LIN54: variants seen among roughly 807,000 people sequenced by gnomAD.
LIN54 encodes lin-54 DREAM MuvB core complex component, also known as protein lin-54 homolog.
Under a neutral mutation model 78.7 loss-of-function variants are expected in LIN54, and 9 were observed. The ratio of observed to expected loss-of-function variants is 0.11; its 90% CI spans 0.07 to 0.20. LIN54 has a LOEUF of 0.20. LIN54 is among the 10% of genes least tolerant of loss of function. The pLI is 1.00. For missense variants in LIN54, 573 were observed against 889.9 expected (o/e 0.64, Z 4.53); for synonymous variants, 269 against 318.4 (o/e 0.84, Z 1.65).
rs761437076 is a variant in LIN54, at chr4:82,939,845, C to T, written c.1242+44G>A. 22 of 1,586,924 alleles carry T rather than the reference C, an allele frequency of 1.4e-5. No individual in the cohort carries two copies. In the African/African-American group the frequency reaches 1.6e-4, roughly 12 times the overall value. ...TTAACTTTCTATTTAAAAAGTAAAT[C>T]GTCTATTTGGGAAAGACTGAGAAAG... On this transcript the variant is annotated intron_variant, in intron 6 of 12. Coordinates refer to ENST00000340417, the MANE Select transcript of LIN54 (RefSeq NM_194282.4).
At chr4:82,936,592 G>A (rs1578491089) in intron 9 of LIN54, among the ~76,000 whole-genome samples, 1 of 152,278 alleles carries the variant, frequency 6.6e-6, no homozygotes, top group Admixed American at 6.5e-5. Context: ...TACTAGAAAT[G>A]TGGCCTAAAA....
chr4:82,939,582 C>T lies in LIN54; in HGVS notation c.1397G>A (p.Gly466Glu). ...TGGAAGCACTGCATAACCCACATTC[C>T]CTGTTCCCGGAGCTGGTGCCAGGAC... is the stretch of plus-strand genomic sequence containing the variant. ...GTVLAPAPGT[G>E]NVGYAVLPAQ... The change falls in exon 7 of 13, where the codon GGG becomes GAG. Residue 466 changes from glycine (G) to glutamate (E), a missense_variant. Coordinates refer to ENST00000340417, the MANE Select transcript of LIN54 (RefSeq NM_194282.4). 1 of 1,614,066 alleles carries T rather than the reference C, an allele frequency of 6.2e-7. No individual in the cohort carries two copies. The highest frequency in any genetic ancestry group is 8.5e-7 in the Non-Finnish European group (1 of 1,179,958).
chr4:82,945,148 C>A (rs2126043250), intron 5 of LIN54, among the ~76,000 whole-genome samples: 1 of 152,214 alleles, frequency 6.6e-6, no homozygotes, highest in South Asian at 2.1e-4. Flanking sequence ...AGCCACAGCG[C>A]CTGATCTACC....
chr4:82,976,855 A>G (rs1047783546), intron 3 of LIN54, among the ~76,000 whole-genome samples: 2 of 152,230 alleles, frequency 1.3e-5, no homozygotes, highest in African/African-American at 4.8e-5. Context: ...AAGGTTATAA[A>G]GAACTAGTTA....
At position 82,977,506 on chromosome 4, in the gene LIN54, A is replaced by G. The variant is rs1276003887; in HGVS notation, c.808+1377T>C. Among the ~76,000 whole-genome samples the G allele has an allele frequency of 2.6e-5, 4 of 152,184 alleles. No homozygotes were observed. In the South Asian group the frequency reaches 8.3e-4, roughly 31 times the overall value. On this transcript the variant is annotated intron_variant, in intron 3 of 12. Coordinates refer to ENST00000340417, the MANE Select transcript of LIN54 (RefSeq NM_194282.4). ...CACTGCTTTCACATTAAATTTTTCCATCTCTTCTCATTAGCTAAAATGAGA... is the reference window on the plus strand; with the variant it reads ...CACTGCTTTCACATTAAATTTTTCCGTCTCTTCTCATTAGCTAAAATGAGA...
chr4:82,946,596 G>A (rs968489574), intron 4 of LIN54, 122 bp from the exon 5 acceptor site: 1 of 720,786 alleles, frequency 1.4e-6, no homozygotes, highest in African/African-American at 1.8e-5. Flanking sequence ...GCTGCTGAAA[G>A]GAACAACCTG....
chr4:82,964,893 G>A (rs1441985563), intron 4 of LIN54, among the ~76,000 whole-genome samples: 1 of 152,106 alleles, frequency 6.6e-6, no homozygotes, highest in African/African-American at 2.4e-5. Flanking sequence ...AGCTACTGGG[G>A]AAGCTGAGGC....
At chr4:82,950,519 C>T (rs918676445) in intron 4 of LIN54, among the ~76,000 whole-genome samples, 19 of 152,190 alleles carry the variant, frequency 1.2e-4, no homozygotes, top group Non-Finnish European at 2.5e-4. Context: ...AACATGTGAA[C>T]ATCTCTCTGA....
intron 10 of LIN54, 44 bp from the exon 11 acceptor site, chr4:82,936,162 G>A: frequency 6.2e-7 from 1 of 1,609,406 alleles, no homozygotes; most frequent in Non-Finnish European, 8.5e-7. Context: ...AATCACAGTA[G>A]ATGAAATTTA....
intron 4 of LIN54, among the ~76,000 whole-genome samples, chr4:82,962,737 G>A (rs917141809): frequency 6.6e-6 from 1 of 150,654 alleles, no homozygotes; most frequent in Non-Finnish European, 1.5e-5. Flanking sequence ...CCAAACAACT[G>A]AGAAAATAAT....
intron 4 of LIN54, among the ~76,000 whole-genome samples, chr4:82,968,043 GT>G (rs371267602): frequency 3.4e-4 from 49 of 144,588 alleles, no homozygotes; most frequent in African/African-American, 8.6e-4. Context: ...TTTGTTTTTT[GT>G]TTTTTTTTTT....
chr4:82,947,235 A>ATATATATTTTTTTTTTT, intron 4 of LIN54, among the ~76,000 whole-genome samples: 42 of 44,278 alleles, frequency 9.5e-4, no homozygotes, highest in African/African-American at 2.8e-3. Flanking sequence ...ATATATATAT[A>ATATATATTTTTTTTTTT]TTTTTTTTTT....
chr4:82,984,146 C>T lies in LIN54; in HGVS notation c.684+15G>A, dbSNP rs1393193987. 1 of 1,539,926 alleles carries T rather than the reference C, an allele frequency of 6.5e-7. No individual in the cohort carries two copies. Among genetic ancestry groups the T allele is most frequent in the African/African-American group, 1.4e-5 (1 of 71,988 alleles). On this transcript the variant is annotated intron_variant, in intron 2 of 12. Coordinates refer to ENST00000340417, the MANE Select transcript of LIN54 (RefSeq NM_194282.4). ...AACATGCATTTTAATTAGTAAGCCC[C>T]CTTTTTTCTTTTACCTGTACTGTTT...
At chr4:83,002,942 G>A (rs1300319268) in intron 1 of LIN54, among the ~76,000 whole-genome samples, 1 of 152,104 alleles carries the variant, frequency 6.6e-6, no homozygotes, top group Non-Finnish European at 1.5e-5. Context: ...CATTGTTCAA[G>A]GGTCAACTGT....
chr4:82,950,906 T>C (rs540174613), intron 4 of LIN54, among the ~76,000 whole-genome samples: 129 of 152,296 alleles, frequency 8.5e-4, no homozygotes, highest in Middle Eastern at 3.4e-3. Context: ...ATGAATATTC[T>C]CTTTTACTTG....
intron 4 of LIN54, among the ~76,000 whole-genome samples, chr4:82,965,565 A>G (rs1047210701): frequency 6.6e-6 from 1 of 152,238 alleles, no homozygotes; most frequent in African/African-American, 2.4e-5. Flanking sequence ...CCAGGTATCC[A>G]TTACAGCAAG....
At position 82,984,768 on chromosome 4, in the gene LIN54, T is replaced by A. The variant is rs772929397; in HGVS notation, c.77A>T (p.Asp26Val). Residue 26 changes from aspartate (D) to valine (V), a missense_variant, in exon 2 of 13, where the codon GAT becomes GTT. By Grantham distance (152) the Asp-to-Val change is radical (BLOSUM62 -3). Around this residue, in one of 6 missense-constraint regions of LIN54, gnomAD observed 183 missense variants for 228.4 expected, o/e 0.80. Transcript: ENST00000340417. ...AACAATAACAGCCTCAATACTATCA[T>A]CATCCACTAAAGTTATACCAGTGTC... The part of the protein sequence containing the change: ...IMDTGITLVD[D>V]DSIEAVIVSS... 3.1e-6 allele frequency: 5 copies of A among 1,613,838 alleles called. No homozygotes were observed. The African/African-American group carries it at 6.7e-5, about 22-fold the overall frequency.
intron 1 of LIN54, among the ~76,000 whole-genome samples, chr4:82,989,764 G>C (rs1727501464): frequency 6.6e-6 from 1 of 152,134 alleles, no homozygotes. Flanking sequence ...AGCAAAGCTT[G>C]CATTTACTTT....
At chr4:82,990,070 C>T (rs531480936) in intron 1 of LIN54, among the ~76,000 whole-genome samples, 1 of 152,334 alleles carries the variant, frequency 6.6e-6, no homozygotes, top group South Asian at 2.1e-4. Flanking sequence ...TGCCCTTGCC[C>T]ACCACCTGGG....
Sources: gnomAD v4.1 joint callset for allele counts (sites outside exome capture counted in the v4.1 genomes callset) on GRCh38, gnomAD v4.1.1 for gene constraint, gnomAD v4.1.1 regional missense constraint, MANE v1.5 for transcripts, NCBI Gene and HGNC (gene_info 2026-07-23, HGNC 2026-07-21) for gene names.